Variants in DAB1 observed in about 807,000 individuals in gnomAD.
The protein encoded by DAB1 is DAB adaptor protein 1, also known as disabled homolog 1.
Under a neutral mutation model 64.6 loss-of-function variants are expected in DAB1, and 15 were observed. That is an observed-to-expected ratio of 0.23 (90% CI 0.16 to 0.36). The LOEUF is 0.36. Among genes scored for constraint, DAB1 ranks in the 10% least tolerant of loss-of-function variants. The pLI, the probability that DAB1 is intolerant of heterozygous loss-of-function variation, is 1.00. For missense variants in DAB1, 596 were observed against 706.7 expected (o/e 0.84, Z 1.78); for synonymous variants, 235 against 251.9 (o/e 0.93, Z 0.64).
At chr1:58,427,359 C>A (rs543618636) in intron 3 of DAB1, among the ~76,000 whole-genome samples, 27 of 152,172 alleles carry the variant, frequency 1.8e-4, no homozygotes, top group Middle Eastern at 3.4e-3. Context: ...AAGGCCTTGA[C>A]AGTGTTGATC....
At chr1:58,218,162 A>T (rs1658955378) in intron 4 of DAB1, among the ~76,000 whole-genome samples, 2 of 152,072 alleles carry the variant, frequency 1.3e-5, no homozygotes, top group Admixed American at 1.3e-4. Context: ...ACAGAGAGAA[A>T]GGCTGACGTA....
At chr1:58,457,800 G>A (rs1645206283) in intron 3 of DAB1, among the ~76,000 whole-genome samples, 1 of 152,140 alleles carries the variant, frequency 6.6e-6, no homozygotes, top group Admixed American at 6.6e-5. Context: ...TCTAGTCTCT[G>A]TCCAATTCCT....
At chr1:57,685,304 A>T (rs1646683263) in intron 6 of DAB1, among the ~76,000 whole-genome samples, 1 of 151,788 alleles carries the variant, frequency 6.6e-6, no homozygotes, top group African/African-American at 2.4e-5. Flanking sequence ...AACAACTATT[A>T]AGAACAAAAA....
intron 1 of DAB1, chr1:58,533,883 C>A (rs776501655): frequency 1.5e-5 from 12 of 812,686 alleles, no homozygotes; most frequent in Non-Finnish European, 2.4e-5. Context: ...AAAATCAGTT[C>A]TTTAAAAGAT....
chr1:58,477,726 GAA>G (rs1349719694), intron 3 of DAB1, among the ~76,000 whole-genome samples: 1 of 152,062 alleles, frequency 6.6e-6, no homozygotes, highest in African/African-American at 2.4e-5. Context: ...AGACTGCAAA[GAA>G]AAAAGAGCCC....
chr1:57,494,190 A>C (rs1644201675), intron 7 of DAB1, among the ~76,000 whole-genome samples: 1 of 152,166 alleles, frequency 6.6e-6, no homozygotes, highest in African/African-American at 2.4e-5. Flanking sequence ...CTAGAGACTT[A>C]AGGAGAGTTT....
chr1:58,435,865 G>A (rs1021401396), intron 3 of DAB1, among the ~76,000 whole-genome samples: 8 of 152,162 alleles, frequency 5.3e-5, no homozygotes, highest in East Asian at 1.9e-4. Context: ...AACAAATATC[G>A]GAGATAATTT....
chr1:57,980,955 A>G (rs1472707765), intron 5 of DAB1, among the ~76,000 whole-genome samples: 1 of 151,896 alleles, frequency 6.6e-6, no homozygotes, highest in Non-Finnish European at 1.5e-5. Context: ...ATAAACATAT[A>G]TATATATGAA....
intron 7 of DAB1, among the ~76,000 whole-genome samples, chr1:57,642,303 G>T (rs1646139768): frequency 6.6e-6 from 1 of 152,128 alleles, no homozygotes; most frequent in Non-Finnish European, 1.5e-5. Flanking sequence ...CATACAGGAG[G>T]ATTGCTGCTA....
chr1:57,437,104 A>T (rs1685725475), intron 7 of DAB1, among the ~76,000 whole-genome samples: 2 of 151,756 alleles, frequency 1.3e-5, no homozygotes, highest in Admixed American at 6.6e-5. Flanking sequence ...ATGGTTTGGC[A>T]GGAATTTGAT....
intron 4 of DAB1, among the ~76,000 whole-genome samples, chr1:58,152,689 T>A (rs775117780): frequency 5.9e-5 from 9 of 152,216 alleles, no homozygotes; most frequent in Non-Finnish European, 1.2e-4. Flanking sequence ...AGTTTTCTTA[T>A]CCTTAATTAA....
intron 4 of DAB1, among the ~76,000 whole-genome samples, chr1:57,097,870 C>T (rs568836612): frequency 7.1e-4 from 108 of 152,072 alleles, no homozygotes; most frequent in African/African-American, 2.4e-3. Context: ...CTCCGCCTCC[C>T]GGGTTCATGC....
intron 1 of DAB1, among the ~76,000 whole-genome samples, chr1:57,853,610 G>A (rs1281312350): frequency 6.6e-6 from 1 of 152,162 alleles, no homozygotes; most frequent in Non-Finnish European, 1.5e-5. Flanking sequence ...ATGAATTAAT[G>A]AATAAGTGAA....
At chr1:58,009,068 T>C (rs1362843983) in intron 5 of DAB1, among the ~76,000 whole-genome samples, 1 of 152,178 alleles carries the variant, frequency 6.6e-6, no homozygotes, top group Non-Finnish European at 1.5e-5. Context: ...GAAATGTGCA[T>C]ACACACCTAC....
chr1:57,326,028 T>C (rs1476718052), intron 1 of DAB1, among the ~76,000 whole-genome samples: 1 of 110,094 alleles, frequency 9.1e-6, no homozygotes, highest in East Asian at 2.7e-4. Context: ...CCAACAAGCA[T>C]TTACTAGGGA....
intron 10 of DAB1, among the ~76,000 whole-genome samples, chr1:57,025,425 A>G (rs1434639271): frequency 6.6e-6 from 1 of 152,148 alleles, no homozygotes; most frequent in Admixed American, 6.5e-5. Context: ...ATGGTCTGCA[A>G]AGCTGAAGGG....
intron 2 of DAB1, among the ~76,000 whole-genome samples, chr1:57,155,910 T>C (rs1660175198): frequency 6.6e-6 from 1 of 152,084 alleles, no homozygotes; most frequent in Non-Finnish European, 1.5e-5. Flanking sequence ...GTTCTAACAG[T>C]TTTTTTGTGG....
intron 3 of DAB1, among the ~76,000 whole-genome samples, chr1:58,501,911 C>T (rs1233556295): frequency 1.3e-5 from 2 of 151,998 alleles, no homozygotes. Context: ...AAGAGAGCTG[C>T]CTCTCCCTCC....
intron 1 of DAB1, among the ~76,000 whole-genome samples, chr1:58,546,280 C>T (rs910155461): frequency 1.3e-5 from 2 of 152,234 alleles, no homozygotes; most frequent in South Asian, 2.1e-4. Flanking sequence ...AGGCGGTCCC[C>T]TCTGGCAGAG....
Sources: allele counts gnomAD v4.1 joint callset (sites outside exome capture counted in the v4.1 genomes callset), GRCh38; gene constraint gnomAD v4.1.1; transcripts MANE v1.5; gene names NCBI Gene and HGNC (gene_info 2026-07-23, HGNC 2026-07-21).